The following DLG2 variants were observed in gnomAD, a reference collection of about 807,000 sequenced individuals.
DLG2 encodes disks large homolog 2.
In DLG2, 45 loss-of-function variants were observed where a neutral mutation model predicts 132.5. That is an observed-to-expected ratio of 0.34 (90% confidence interval 0.27 to 0.44). DLG2 has a LOEUF of 0.44. Among genes scored for constraint, DLG2 ranks in the 20% least tolerant of loss-of-function variants. DLG2 has a pLI of 1.00. For missense variants in DLG2, 1,045 were observed against 1,196.9 expected (o/e 0.87, Z 1.87); for synonymous variants, 424 against 419.6 (o/e 1.01, Z -0.13).
chr11:85,513,559 T>A (rs1487489955), intron 3 of DLG2, among the ~76,000 whole-genome samples: 2 of 151,976 alleles, frequency 1.3e-5, no homozygotes, highest in Non-Finnish European at 2.9e-5. Context: ...AACGGTAGTA[T>A]CTTCAATGAG....
rs182750275 is a variant in DLG2, at chr11:84,838,485, T to C, written c.357+273176A>G. ...ATTGGTGAGGATGAAGGGAAACATA[T>C]ACATTGCTGTTGACATTGTCAACTG... On this transcript the variant is annotated intron_variant, in intron 6 of 27. Transcript: ENST00000376104. 2.0e-5 allele frequency among the ~76,000 whole-genome samples: 3 copies of C among 151,844 alleles called. No individual in the cohort carries two copies. The East Asian group carries it at 5.8e-4, about 30-fold the overall frequency.
rs191838625 is a variant in DLG2, at chr11:84,957,288, T to C, written c.357+154373A>G. ...CACTGTCTCAGTATATTTTGCTGTA[T>C]CATTACATGATTGTTATTTATCACT... On this transcript the variant is annotated intron_variant, in intron 6 of 27. Coordinates refer to ENST00000376104, the MANE Select transcript of DLG2 (RefSeq NM_001142699.3). 1.8e-3 allele frequency among the ~76,000 whole-genome samples: 270 copies of C among 152,330 alleles called. 4 individuals are homozygous for C. The highest frequency in any genetic ancestry group is 0.017 in the Admixed American group (258 of 15,286).
At chr11:84,311,862 T>C (rs761976291) in intron 7 of DLG2, among the ~76,000 whole-genome samples, 2 of 152,218 alleles carry the variant, frequency 1.3e-5, no homozygotes, top group Non-Finnish European at 2.9e-5. Flanking sequence ...TTACATGCTT[T>C]TCTGTATTTT....
chr11:84,174,649 C>A (rs755052264), intron 8 of DLG2, among the ~76,000 whole-genome samples: 1 of 151,922 alleles, frequency 6.6e-6, no homozygotes, highest in African/African-American at 2.4e-5. Flanking sequence ...TAGTGGTAAA[C>A]AAAAAAAGGC....
intron 6 of DLG2, among the ~76,000 whole-genome samples, chr11:84,762,944 T>C (rs2067847069): frequency 6.6e-6 from 1 of 152,188 alleles, no homozygotes; most frequent in African/African-American, 2.4e-5. Flanking sequence ...AAAGAAAATG[T>C]TCAACTTAAT....
intron 6 of DLG2, among the ~76,000 whole-genome samples, chr11:84,924,860 AT>A (rs2092918414): frequency 6.6e-6 from 1 of 152,196 alleles, no homozygotes; most frequent in African/African-American, 2.4e-5. Flanking sequence ...ACATTAAAAA[AT>A]CGACATGGAT....
At chr11:84,026,028 T>C (rs999483226) in intron 11 of DLG2, among the ~76,000 whole-genome samples, 2 of 152,078 alleles carry the variant, frequency 1.3e-5, no homozygotes, top group African/African-American at 2.4e-5. Flanking sequence ...CCAGAAGAAA[T>C]TGAAATGAGT....
At chr11:84,756,224 G>A (rs748526144) in intron 6 of DLG2, among the ~76,000 whole-genome samples, 1 of 152,162 alleles carries the variant, frequency 6.6e-6, no homozygotes, top group Non-Finnish European at 1.5e-5. Context: ...CTCTGTGGAA[G>A]GCTTTGTTAT....
At chr11:85,214,368 C>T (rs540178862) in intron 4 of DLG2, among the ~76,000 whole-genome samples, 2 of 152,140 alleles carry the variant, frequency 1.3e-5, no homozygotes, top group African/African-American at 4.8e-5. Context: ...CTCTACAACA[C>T]CTCGCAAAAA....
intron 6 of DLG2, among the ~76,000 whole-genome samples, chr11:84,830,008 C>T (rs180795751): frequency 2.8e-4 from 43 of 151,594 alleles, no homozygotes; most frequent in East Asian, 1.4e-3. Flanking sequence ...GTTGGGTAAC[C>T]GCTAACTGCA....
At chr11:84,245,778 G>T (rs949458974) in intron 8 of DLG2, among the ~76,000 whole-genome samples, 3 of 152,120 alleles carry the variant, frequency 2.0e-5, no homozygotes, top group Non-Finnish European at 2.9e-5. Flanking sequence ...TAAAGTACAA[G>T]ATTTTTTCTT....
intron 18 of DLG2, among the ~76,000 whole-genome samples, chr11:83,728,177 C>A (rs1050461806): frequency 2.6e-5 from 4 of 152,212 alleles, no homozygotes; most frequent in African/African-American, 9.6e-5. Flanking sequence ...ATGTCACGTT[C>A]CCTTAGTGCA....
At chr11:83,525,145 T>G (rs1409726077) in intron 21 of DLG2, among the ~76,000 whole-genome samples, 1 of 152,172 alleles carries the variant, frequency 6.6e-6, no homozygotes, top group East Asian at 1.9e-4. Context: ...TAATATGAAC[T>G]TTTTCATCCC....
At chr11:84,895,801 G>C (rs1355009035) in intron 6 of DLG2, among the ~76,000 whole-genome samples, 1 of 151,940 alleles carries the variant, frequency 6.6e-6, no homozygotes, top group Non-Finnish European at 1.5e-5. Flanking sequence ...TAAGAGCAGA[G>C]GTATGCACTA....
intron 8 of DLG2, among the ~76,000 whole-genome samples, chr11:84,175,060 G>A (rs1309466445): frequency 4.6e-5 from 7 of 152,116 alleles, no homozygotes; most frequent in Non-Finnish European, 7.4e-5. Flanking sequence ...CTTACTGATG[G>A]AAAGTATGTG....
intron 9 of DLG2, among the ~76,000 whole-genome samples, chr11:84,128,883 A>G (rs2094298361): frequency 6.6e-6 from 1 of 152,180 alleles, no homozygotes; most frequent in South Asian, 2.1e-4. Context: ...AGAGTTCAAC[A>G]TACAATTTAT....
At position 84,600,233 on chromosome 11, in the gene DLG2, AGAC is replaced by A. The variant is rs879296188; in HGVS notation, c.358-65505_358-65503del. Among the ~76,000 whole-genome samples the A allele has an allele frequency of 5.2e-3, 684 of 130,344 alleles. 11 individuals are homozygous for A. Among genetic ancestry groups the A allele is most frequent in the African/African-American group, 0.012 (312 of 26,040 alleles). The allele number at this position is 130,344 out of a possible 152,430, so 85.5% of individuals were successfully genotyped here. Reference sequence around the variant, plus strand: ...GAAAGAAAGAAAGAAAGAGAAAGAAAGACAGAAAAGCAAGCAAGCAAGCAGGCA... The same window carrying A: ...GAAAGAAAGAAAGAAAGAGAAAGAAAAGAAAAGCAAGCAAGCAAGCAGGCA... On this transcript the variant is annotated intron_variant, in intron 6 of 27. Coordinates refer to ENST00000376104, the MANE Select transcript of DLG2 (RefSeq NM_001142699.3).
At chr11:84,914,879 G>A (rs985372727) in intron 6 of DLG2, among the ~76,000 whole-genome samples, 1 of 152,158 alleles carries the variant, frequency 6.6e-6, no homozygotes. Context: ...GATGTACACA[G>A]TGCCTGACTC....
At chr11:83,602,526 T>C (rs1277674092) in intron 19 of DLG2, among the ~76,000 whole-genome samples, 1 of 152,234 alleles carries the variant, frequency 6.6e-6, no homozygotes, top group East Asian at 1.9e-4. Flanking sequence ...ACTGCCTCCC[T>C]GCAGGAGAAA....
Sources: gnomAD v4.1 joint callset for allele counts (sites outside exome capture counted in the v4.1 genomes callset) on GRCh38, gnomAD v4.1.1 for gene constraint, MANE v1.5 for transcripts, NCBI Gene and HGNC (gene_info 2026-07-23, HGNC 2026-07-21) for gene names.